UVRAG: variants seen among roughly 807,000 people sequenced by gnomAD.
The protein encoded by UVRAG is UV radiation resistance-associated gene protein.
UVRAG carries 19 observed loss-of-function variants against 78.0 expected under a neutral mutation model. The ratio of observed to expected loss-of-function variants is 0.24; its 90% confidence interval spans 0.17 to 0.36. The LOEUF is 0.36. Ranked by LOEUF, UVRAG falls within the 10% of genes least tolerant of loss-of-function variation. UVRAG has a pLI of 1.00. For missense variants in UVRAG, 740 were observed against 853.8 expected (o/e 0.87, Z 1.66); for synonymous variants, 323 against 324.6 (o/e 1.00, Z 0.05).
At chr11:75,931,548 AAAT>A (rs1351186294) in intron 6 of UVRAG, among the ~76,000 whole-genome samples, 1 of 152,228 alleles carries the variant, frequency 6.6e-6, no homozygotes, top group African/African-American at 2.4e-5. Flanking sequence ...AATTTTTAAA[AAAT>A]CAAATTCTAA....
At chr11:75,872,723 C>T (rs764805753) in intron 3 of UVRAG, among the ~76,000 whole-genome samples, 1 of 152,134 alleles carries the variant, frequency 6.6e-6, no homozygotes, top group African/African-American at 2.4e-5. Flanking sequence ...CAGATATTGA[C>T]TTTGTCTTCC....
chr11:75,903,415 C>G (rs1565372003), intron 5 of UVRAG, among the ~76,000 whole-genome samples: 1 of 152,132 alleles, frequency 6.6e-6, no homozygotes, highest in Non-Finnish European at 1.5e-5. Context: ...GCTGTATCTC[C>G]CACTACTTCC....
intron 5 of UVRAG, 152 bp from the exon 6 acceptor site, chr11:75,911,802 A>G (rs1341111667): frequency 5.6e-6 from 3 of 538,324 alleles, no homozygotes; most frequent in Admixed American, 3.4e-5. Context: ...CTTCTATTAC[A>G]TGGCAGATAT....
chr11:75,824,673 T>C, intron 1 of UVRAG, among the ~76,000 whole-genome samples: 1 of 143,170 alleles, frequency 7.0e-6, no homozygotes. Context: ...TTTGTCATTT[T>C]TTTTTTTTTT....
chr11:76,118,456 A>G (rs754805885), intron 14 of UVRAG, among the ~76,000 whole-genome samples: 10 of 152,212 alleles, frequency 6.6e-5, no homozygotes, highest in Non-Finnish European at 1.5e-4. Context: ...TTCTGACTTC[A>G]AAGAGAATGC....
chr11:75,850,224 T>TA (rs1327304430), intron 1 of UVRAG, among the ~76,000 whole-genome samples: 1 of 152,222 alleles, frequency 6.6e-6, no homozygotes, highest in East Asian at 1.9e-4. Flanking sequence ...AGTTGGGGTT[T>TA]TCCTTTAGAT....
chr11:76,038,268 G>C (rs1007784606), intron 12 of UVRAG, among the ~76,000 whole-genome samples: 1 of 151,854 alleles, frequency 6.6e-6, no homozygotes, highest in Non-Finnish European at 1.5e-5. Flanking sequence ...AGGTCTACTG[G>C]AGATAGAATT....
At chr11:75,968,200 T>A (rs887446224) in intron 7 of UVRAG, among the ~76,000 whole-genome samples, 10 of 152,230 alleles carry the variant, frequency 6.6e-5, no homozygotes, top group Non-Finnish European at 1.5e-4. Context: ...CTGAAATGAA[T>A]GTTTAACATT....
intron 13 of UVRAG, among the ~76,000 whole-genome samples, chr11:76,100,626 C>T (rs941298703): frequency 5.3e-5 from 8 of 152,032 alleles, no homozygotes; most frequent in Non-Finnish European, 1.2e-4. Flanking sequence ...AAAGAAAAAA[C>T]GTTTAGGGGT....
chr11:75,836,135 A>G (rs1476828476), intron 1 of UVRAG, among the ~76,000 whole-genome samples: 1 of 151,938 alleles, frequency 6.6e-6, no homozygotes, highest in East Asian at 1.9e-4. Context: ...CAACAAATAG[A>G]AGTATAATAC....
chr11:75,842,735 T>C (rs1274693113), intron 1 of UVRAG, among the ~76,000 whole-genome samples: 1 of 152,216 alleles, frequency 6.6e-6, no homozygotes, highest in African/African-American at 2.4e-5. Flanking sequence ...CCACCGTACC[T>C]GGCCTGACCT....
intron 6 of UVRAG, among the ~76,000 whole-genome samples, chr11:75,919,485 A>T (rs536225504): frequency 1.0e-3 from 153 of 150,062 alleles, no homozygotes; most frequent in African/African-American, 3.6e-3. Flanking sequence ...GCTCTGTTAT[A>T]CTCTTTGATT....
At chr11:75,967,408 G>A (rs186794448) in intron 7 of UVRAG, among the ~76,000 whole-genome samples, 6 of 152,280 alleles carry the variant, frequency 3.9e-5, no homozygotes, top group Admixed American at 3.9e-4. Flanking sequence ...ACTAGGTGTA[G>A]GTCCAGTAGA....
At chr11:75,892,184 G>A (rs1233164424) in intron 5 of UVRAG, 2 of 267,242 alleles carry the variant, frequency 7.5e-6, no homozygotes, top group Non-Finnish European at 1.2e-5. Flanking sequence ...GGTTAGACAG[G>A]TTGTTTCTGA....
At chr11:75,973,907 A>G (rs1417592917) in intron 7 of UVRAG, among the ~76,000 whole-genome samples, 1 of 152,206 alleles carries the variant, frequency 6.6e-6, no homozygotes, top group Non-Finnish European at 1.5e-5. Flanking sequence ...ATGGCTGCAT[A>G]GTATTCCATG....
intron 6 of UVRAG, chr11:75,914,510 T>C (rs950469594): frequency 1.3e-5 from 2 of 152,232 alleles, no homozygotes; most frequent in African/African-American, 4.8e-5. Context: ...TCTGTTTTTT[T>C]TGAGACAGAG....
intron 12 of UVRAG, among the ~76,000 whole-genome samples, chr11:76,030,270 C>T (rs772350661): frequency 5.3e-5 from 8 of 151,966 alleles, no homozygotes; most frequent in African/African-American, 1.2e-4. Context: ...TGGCATCAAG[C>T]GATACTTCTC....
At chr11:75,877,549 G>C (rs1263045405) in intron 3 of UVRAG, among the ~76,000 whole-genome samples, 1 of 137,376 alleles carries the variant, frequency 7.3e-6, no homozygotes, top group South Asian at 2.4e-4. Flanking sequence ...GTGGCTGGCC[G>C]GGCGGGGGGC....
At chr11:76,041,925 A>G (rs187613723) in intron 12 of UVRAG, among the ~76,000 whole-genome samples, 3 of 152,354 alleles carry the variant, frequency 2.0e-5, no homozygotes, top group Admixed American at 2.0e-4. Context: ...TATTATCTAC[A>G]TTATATTCAC....
Sources: allele counts gnomAD v4.1 joint callset (sites outside exome capture counted in the v4.1 genomes callset), GRCh38; gene constraint gnomAD v4.1.1; transcripts MANE v1.5; gene names NCBI Gene and HGNC (gene_info 2026-07-23, HGNC 2026-07-21).